Variants in MACROD2 observed in about 807,000 individuals in gnomAD.
MACROD2 encodes ADP-ribose glycohydrolase MACROD2.
In MACROD2, 36 loss-of-function variants were observed where a neutral mutation model predicts 70.4. The observed-to-expected ratio is 0.51, with a 90% CI of 0.39 to 0.68. MACROD2 has a LOEUF of 0.68. Among genes scored for constraint, MACROD2 ranks in the 30% least tolerant of loss-of-function variants. The probability of loss-of-function intolerance (pLI) is 0.00; values close to 1 mark genes in which losing one functional copy is unlikely to be tolerated. For missense variants in MACROD2, 496 were observed against 538.4 expected, an observed-to-expected ratio of 0.92 and a Z score of 0.78; for synonymous variants, 172 against 178.8, an observed-to-expected ratio of 0.96 and a Z score of 0.30.
At chr20:15,524,296 A>C (rs2047690855) in intron 8 of MACROD2, among the ~76,000 whole-genome samples, 1 of 151,926 alleles carries the variant, frequency 6.6e-6, no homozygotes, top group Admixed American at 6.6e-5. Context: ...AAGGCAGGCC[A>C]CGTGAATGAG....
intron 5 of MACROD2, among the ~76,000 whole-genome samples, chr20:14,962,934 G>A (rs1329049676): frequency 6.6e-6 from 1 of 152,124 alleles, no homozygotes; most frequent in Non-Finnish European, 1.5e-5. Flanking sequence ...TACAATTTGA[G>A]TTGGTTGGAG....
At chr20:14,925,334 T>C (rs2074216844) in intron 5 of MACROD2, among the ~76,000 whole-genome samples, 1 of 152,146 alleles carries the variant, frequency 6.6e-6, no homozygotes, top group South Asian at 2.1e-4. Context: ...CCCAGACTGA[T>C]CTTAGTTTCA....
intron 7 of MACROD2, among the ~76,000 whole-genome samples, chr20:15,489,143 A>G (rs1442390376): frequency 6.6e-6 from 1 of 152,236 alleles, no homozygotes; most frequent in Non-Finnish European, 1.5e-5. Flanking sequence ...TAAATGAAAG[A>G]AAAAGTGTCT....
chr20:15,265,177 C>A (rs1191793037), intron 6 of MACROD2, among the ~76,000 whole-genome samples: 1 of 152,164 alleles, frequency 6.6e-6, no homozygotes, highest in Non-Finnish European at 1.5e-5. Flanking sequence ...GATCACCCTG[C>A]AAGCTCTCCT....
chr20:14,773,827 TC>T (rs1275945324), intron 5 of MACROD2, among the ~76,000 whole-genome samples: 4 of 152,090 alleles, frequency 2.6e-5, no homozygotes, highest in Admixed American at 2.0e-4. Flanking sequence ...AAAATCATTC[TC>T]ACCCATATTA....
At chr20:14,693,274 T>G (rs944938713) in intron 5 of MACROD2, among the ~76,000 whole-genome samples, 5 of 152,188 alleles carry the variant, frequency 3.3e-5, no homozygotes, top group Admixed American at 3.3e-4. Flanking sequence ...ATAATCATTT[T>G]CAGGATTTAA....
At chr20:15,459,611 C>T (rs900361879) in intron 7 of MACROD2, among the ~76,000 whole-genome samples, 9 of 151,906 alleles carry the variant, frequency 5.9e-5, no homozygotes, top group Admixed American at 6.6e-5. Context: ...TTTCTAAGAG[C>T]GATGGAAGAA....
chr20:14,813,067 G>GTT (rs139199733), intron 5 of MACROD2, among the ~76,000 whole-genome samples: 2 of 149,466 alleles, frequency 1.3e-5, no homozygotes, highest in African/African-American at 4.9e-5. Flanking sequence ...TTTAATTTTT[G>GTT]TTTTTTTTTA....
intron 8 of MACROD2, among the ~76,000 whole-genome samples, chr20:15,716,706 A>G (rs1395978640): frequency 1.3e-5 from 2 of 152,236 alleles, no homozygotes; most frequent in Non-Finnish European, 2.9e-5. Context: ...ACAGAAAAGA[A>G]TAAAAACTCA....
At chr20:14,007,558 T>C (rs2052840683) in intron 2 of MACROD2, among the ~76,000 whole-genome samples, 2 of 152,194 alleles carry the variant, frequency 1.3e-5, no homozygotes, top group African/African-American at 4.8e-5. Context: ...GCCCAGGATA[T>C]GGTAGAAAGA....
Position 15,438,292 on chromosome 20 carries a change from G to A in MACROD2, c.571+6857G>A, listed in dbSNP as rs79768482. Among the ~76,000 whole-genome samples, 903 of 152,164 alleles carry A rather than the reference G, an allele frequency of 5.9e-3. 7 individuals are homozygous for A. Among genetic ancestry groups the A allele is most frequent in the African/African-American group, 0.02 (826 of 41,516 alleles). ...CAATGGTTGAACTAATTCACACTCC[G>A]ACCAACAGTGTGTAAGTGTTCCCTT... On this transcript the variant is annotated intron_variant, in intron 7 of 17. Coordinates refer to ENST00000684519, the MANE Select transcript of MACROD2 (RefSeq NM_001351661.2).
chr20:15,536,610 T>C (rs1224259270), intron 8 of MACROD2, among the ~76,000 whole-genome samples: 1 of 152,188 alleles, frequency 6.6e-6, no homozygotes, highest in Non-Finnish European at 1.5e-5. Context: ...ATTATTCATA[T>C]GATTAAGAAA....
At chr20:15,993,356 A>G (rs2066584916) in intron 15 of MACROD2, among the ~76,000 whole-genome samples, 1 of 151,952 alleles carries the variant, frequency 6.6e-6, no homozygotes, top group South Asian at 2.1e-4. Context: ...TTATGATGCT[A>G]CATTTTTACT....
chr20:14,696,291 A>C (rs2071125600), intron 5 of MACROD2, among the ~76,000 whole-genome samples: 1 of 152,178 alleles, frequency 6.6e-6, no homozygotes, highest in Non-Finnish European at 1.5e-5. Context: ...ATTAATATCT[A>C]CCTACTCCTG....
chr20:15,291,692 ATCATGACAGTT>A (rs1352844446), intron 6 of MACROD2, among the ~76,000 whole-genome samples: 5 of 152,180 alleles, frequency 3.3e-5, no homozygotes. Flanking sequence ...TTAAAGAAAA[ATCATGACAGTT>A]TCATGACTAA....
intron 3 of MACROD2, among the ~76,000 whole-genome samples, chr20:14,485,338 G>T (rs944184460): frequency 2.6e-5 from 4 of 152,186 alleles, no homozygotes; most frequent in African/African-American, 9.7e-5. Context: ...TGATAAAAGA[G>T]AAATTTATGT....
chr20:15,645,224 A>C (rs1225727969), intron 8 of MACROD2, among the ~76,000 whole-genome samples: 1 of 152,182 alleles, frequency 6.6e-6, no homozygotes, highest in East Asian at 1.9e-4. Flanking sequence ...CCTAGCGTGA[A>C]ATTACAGTCA....
At chr20:14,002,954 A>G (rs1162558334) in intron 2 of MACROD2, among the ~76,000 whole-genome samples, 1 of 152,230 alleles carries the variant, frequency 6.6e-6, no homozygotes, top group East Asian at 1.9e-4. Flanking sequence ...AGATTATGTT[A>G]GAATATAAAG....
At chr20:15,128,574 T>C (rs751580614) in intron 5 of MACROD2, among the ~76,000 whole-genome samples, 4 of 152,098 alleles carry the variant, frequency 2.6e-5, no homozygotes, top group Non-Finnish European at 4.4e-5. Flanking sequence ...CATCAGTTGA[T>C]ACAATTTTCC....
Sources: allele counts gnomAD v4.1 joint callset (sites outside exome capture counted in the v4.1 genomes callset), GRCh38; gene constraint gnomAD v4.1.1; transcripts MANE v1.5; gene names NCBI Gene and HGNC (gene_info 2026-07-23, HGNC 2026-07-21).